The following OPHN1 variants were observed in gnomAD, a reference collection of about 807,000 sequenced individuals.
OPHN1 encodes the protein oligophrenin 1, also known as oligophrenin-1.
In OPHN1, 11 loss-of-function variants were observed where a neutral mutation model predicts 60.7. That is an observed-to-expected ratio of 0.18 (90% CI 0.11 to 0.30). OPHN1 has a LOEUF of 0.30. OPHN1 is among the 10% of genes least tolerant of loss of function. OPHN1 has a pLI of 1.00. For missense variants in OPHN1, 449 were observed against 611.0 expected (o/e 0.73, Z 2.80); for synonymous variants, 226 against 222.6 (o/e 1.02, Z -0.14).
intron 2 of OPHN1, among the ~76,000 whole-genome samples, chrX:68,361,385 CA>C (rs1030324869): frequency 9.3e-6 from 1 of 108,016 alleles, no homozygotes; most frequent in African/African-American, 3.4e-5. Flanking sequence ...GAGGCTGAAA[CA>C]GGAGAATCCC....
chrX:68,430,461 A>G (rs1304547217), intron 2 of OPHN1, among the ~76,000 whole-genome samples: 1 of 111,568 alleles, frequency 9.0e-6, no homozygotes, highest in East Asian at 2.8e-4. Flanking sequence ...TATCTCTTGG[A>G]TCTTCTGCTC....
intron 18 of OPHN1, among the ~76,000 whole-genome samples, chrX:68,104,424 G>A (rs2077072964): frequency 9.0e-6 from 1 of 111,454 alleles, no homozygotes; most frequent in South Asian, 3.8e-4. Context: ...ATACCACAAG[G>A]CTACAATAAC....
chrX:68,406,001 C>T (rs1020749648), intron 2 of OPHN1, among the ~76,000 whole-genome samples: 2 of 108,101 alleles, frequency 1.9e-5, no homozygotes, highest in Non-Finnish European at 3.8e-5. Flanking sequence ...AAAAAATAGC[C>T]AGGCGTGGTG....
At chrX:68,287,192 G>GAAAGAAAGAAA (rs1569269528) in intron 3 of OPHN1, among the ~76,000 whole-genome samples, 1 of 59,159 alleles carries the variant, frequency 1.7e-5, no homozygotes, top group African/African-American at 2.2e-4. Context: ...AAAGAAAAGG[G>GAAAGAAAGAAA]AGGGAGGGAG....
intron 2 of OPHN1, among the ~76,000 whole-genome samples, chrX:68,319,281 CAACTT>C (rs1020821179): frequency 2.0e-4 from 22 of 112,148 alleles, no homozygotes; most frequent in Non-Finnish European, 4.1e-4. Context: ...AAATGAACCT[CAACTT>C]AAACCTCATA....
intron 2 of OPHN1, among the ~76,000 whole-genome samples, chrX:68,317,224 C>T (rs2078203547): frequency 9.6e-6 from 1 of 104,640 alleles, no homozygotes; most frequent in Admixed American, 1.1e-4. Context: ...TGCCTGAGCC[C>T]AGGAGGTCGA....
chrX:68,329,447 T>G (rs1418699866), intron 2 of OPHN1, among the ~76,000 whole-genome samples: 1 of 112,442 alleles, frequency 8.9e-6, no homozygotes, highest in African/African-American at 3.2e-5. Flanking sequence ...CATGCCCATT[T>G]ATAAGTAAAT....
At chrX:68,225,147 A>G (rs1335543232) in intron 6 of OPHN1, among the ~76,000 whole-genome samples, 2 of 111,957 alleles carry the variant, frequency 1.8e-5, no homozygotes, top group Non-Finnish European at 3.8e-5. Context: ...CTGAGAGCGA[A>G]CTGCAAGGCA....
At position 68,270,428 on chromosome X, in the gene OPHN1, T is replaced by C; in HGVS notation, c.384+4310A>G. On this transcript the variant is annotated intron_variant, in intron 5 of 24. Coordinates refer to ENST00000355520, the MANE Select transcript of OPHN1 (RefSeq NM_002547.3). ...GTAGCCATAAAAAAGGATGAGTTCATGTCCTTTGTGGGGACATGGATGAAG... is the reference window on the plus strand; with the variant it reads ...GTAGCCATAAAAAAGGATGAGTTCACGTCCTTTGTGGGGACATGGATGAAG... 1.8e-5 allele frequency among the ~76,000 whole-genome samples: 2 copies of C among 110,348 alleles called. 1 individual carries two copies. Among genetic ancestry groups the C allele is most frequent in the Middle Eastern group, 9.3e-3 (2 of 214 alleles).
chrX:68,303,563 G>A (rs780795329), intron 2 of OPHN1, among the ~76,000 whole-genome samples: 61 of 109,058 alleles, frequency 5.6e-4, no homozygotes, highest in African/African-American at 1.8e-3. Flanking sequence ...CAGGAGGATC[G>A]CTTGAACCCA....
chrX:68,186,798 A>G (rs1482729674), intron 15 of OPHN1, among the ~76,000 whole-genome samples: 6 of 111,396 alleles, frequency 5.4e-5, no homozygotes, highest in Non-Finnish European at 7.5e-5. Context: ...AGAGTAAGCT[A>G]GCCCTCTGGC....
At chrX:68,097,098 A>C in intron 18 of OPHN1, 69 bp from the exon 19 acceptor site, 1 of 1,052,022 alleles carries the variant, frequency 9.5e-7, no homozygotes, top group South Asian at 2.2e-5. Flanking sequence ...AGACTGTTTT[A>C]GGTGCTGTAG....
At chrX:68,160,428 A>G (rs1413076056) in intron 15 of OPHN1, among the ~76,000 whole-genome samples, 5 of 111,692 alleles carry the variant, frequency 4.5e-5, no homozygotes, top group African/African-American at 1.6e-4. Flanking sequence ...TAAACTAAGT[A>G]TACATAACAG....
intron 2 of OPHN1, among the ~76,000 whole-genome samples, chrX:68,426,982 C>A (rs1434028192): frequency 2.9e-5 from 3 of 104,507 alleles, no homozygotes; most frequent in Non-Finnish European, 5.9e-5. Context: ...CCAGGCACAG[C>A]GGCTCACACC....
At chrX:68,418,667 T>C (rs2078811094) in intron 2 of OPHN1, among the ~76,000 whole-genome samples, 1 of 111,898 alleles carries the variant, frequency 8.9e-6, no homozygotes, top group Non-Finnish European at 1.9e-5. Flanking sequence ...CACACACTAG[T>C]GGAACAATTT....
rs768137259 is a variant in OPHN1 at position 68,096,853 on chromosome X, G to T, written c.1686+17C>A. On this transcript the variant is annotated intron_variant, in intron 19 of 24. Coordinates refer to ENST00000355520, the MANE Select transcript of OPHN1 (RefSeq NM_002547.3). ...CACATGTTTGGAAGACAGGTAGTGA[G>T]AATAGAAAATGCATACCTTGCCAAA... 2.5e-6 allele frequency: 3 copies of T among 1,204,074 alleles called. No individual in the cohort carries two copies. Among genetic ancestry groups the T allele is most frequent in the Non-Finnish European group, 3.4e-6 (3 of 890,824 alleles).
chrX:68,423,056 CG>C (rs2078837635), intron 2 of OPHN1, among the ~76,000 whole-genome samples: 1 of 106,362 alleles, frequency 9.4e-6, no homozygotes, highest in Non-Finnish European at 1.9e-5. Flanking sequence ...GACGGAGTCT[CG>C]CTGTGTTGCC....
chrX:68,130,453 T>G (rs995526972), intron 15 of OPHN1, among the ~76,000 whole-genome samples: 3 of 111,924 alleles, frequency 2.7e-5, no homozygotes, highest in African/African-American at 9.7e-5. Flanking sequence ...AATTAACTTA[T>G]GCACAAATAC....
intron 2 of OPHN1, among the ~76,000 whole-genome samples, chrX:68,406,513 G>A (rs2078744271): frequency 9.0e-6 from 1 of 110,627 alleles, no homozygotes; most frequent in South Asian, 3.9e-4. Flanking sequence ...TCAGGAGGCT[G>A]AAGCAGGAGA....
Sources: gnomAD v4.1 joint callset for allele counts (sites outside exome capture counted in the v4.1 genomes callset) on GRCh38, gnomAD v4.1.1 for gene constraint, MANE v1.5 for transcripts, NCBI Gene and HGNC (gene_info 2026-07-23, HGNC 2026-07-21) for gene names.